Variants in INTS7 observed in about 807,000 individuals in gnomAD.
INTS7 encodes the protein integrator complex subunit 7, also known as chromosome 1 open reading frame 73.
A neutral mutation model predicts 109.2 loss-of-function variants in INTS7; 46 were observed. That is an observed-to-expected ratio of 0.42 (90% CI 0.33 to 0.54). The LOEUF is 0.54. Among genes scored for constraint, INTS7 ranks in the 20% least tolerant of loss-of-function variants. The pLI, the probability that INTS7 is intolerant of heterozygous loss-of-function variation, is 0.07. For synonymous variants in INTS7, 412 were observed against 402.9 expected, an observed-to-expected ratio of 1.02 and a Z score of -0.27; for missense variants, 929 against 1,132.4, an observed-to-expected ratio of 0.82 and a Z score of 2.58.
At chr1:212,007,542 C>A in intron 5 of INTS7, 93 bp from the exon 6 acceptor site, 2 of 839,528 alleles carry the variant, frequency 2.4e-6, no homozygotes, top group Non-Finnish European at 2.0e-6. Flanking sequence ...CAAAATTGCA[C>A]TTGAAAAACA....
rs1361523738 is a variant in INTS7 at position 212,034,095 on chromosome 1, GA to G, written c.94+1248del. ...AACACTCTGTCTCCAAAAAAAAAGA[GA>G]AAAACACATTTAGTATTATACTTTT... On this transcript the variant is annotated intron_variant, in intron 1 of 19. Transcript: ENST00000366994. 2.0e-5 allele frequency among the ~76,000 whole-genome samples: 3 copies of G among 151,756 alleles called. No individual in the cohort carries two copies. The East Asian group carries it at 5.8e-4, about 29-fold the overall frequency.
chr1:211,987,705 C>T (rs1664953196), intron 8 of INTS7, among the ~76,000 whole-genome samples, 181 bp downstream of exon 8: 1 of 151,758 alleles, frequency 6.6e-6, no homozygotes, highest in Admixed American at 6.6e-5. Context: ...ATCAAGGATG[C>T]GAGATGTTGT....
chr1:211,991,633 A>G (rs886324098), intron 7 of INTS7, among the ~76,000 whole-genome samples: 6 of 152,250 alleles, frequency 3.9e-5, no homozygotes, highest in African/African-American at 1.2e-4. Flanking sequence ...CTGTAAGATT[A>G]CAAAGCCACT....
Position 211,946,069 on chromosome 1 carries a change from G to A in INTS7, c.2415+538C>T, listed in dbSNP as rs1259175026. Among the ~76,000 whole-genome samples, 1 of 152,214 alleles carries A rather than the reference G, an allele frequency of 6.6e-6. No homozygotes were observed. The highest frequency in any genetic ancestry group is 2.4e-5 in the African/African-American group (1 of 41,456). ...ACAACAGAGCTCCAGTTACCCAAAT[G>A]CCTGTCTCATAGAATTTGGCACTGA... On this transcript the variant is annotated intron_variant, in intron 18 of 19. Coordinates refer to ENST00000366994, the MANE Select transcript of INTS7 (RefSeq NM_015434.4). This position sits in a 1 kb window ranked among gnomAD's most constrained non-coding sequence, Gnocchi z 4.3.
chr1:212,004,250 G>A (rs1665804971), intron 7 of INTS7, among the ~76,000 whole-genome samples: 1 of 152,128 alleles, frequency 6.6e-6, no homozygotes, highest in South Asian at 2.1e-4. Flanking sequence ...GTTGAGGTGG[G>A]AGGATGGCTT....
chr1:212,001,175 T>C (rs1665656959), intron 7 of INTS7, among the ~76,000 whole-genome samples: 1 of 151,152 alleles, frequency 6.6e-6, no homozygotes, highest in Non-Finnish European at 1.5e-5. Flanking sequence ...CAAGCGATTC[T>C]CCTGCCTCAG....
intron 7 of INTS7, among the ~76,000 whole-genome samples, chr1:211,990,285 TAA>T (rs67427935): frequency 0.32 from 47,102 of 145,752 alleles, 8,569 homozygotes; most frequent in Middle Eastern, 0.46. Flanking sequence ...ACACAGCTGA[TAA>T]AAAAAAAAAA....
At chr1:211,983,255 T>G (rs1245533181) in intron 8 of INTS7, among the ~76,000 whole-genome samples, 1 of 152,128 alleles carries the variant, frequency 6.6e-6, no homozygotes, top group Non-Finnish European at 1.5e-5. Context: ...ATACCTCATA[T>G]GAATTCGTGA....
At position 211,959,710 on chromosome 1, in the gene INTS7, G is replaced by A. The variant is rs143145343; in HGVS notation, c.2183+6720C>T. Among the ~76,000 whole-genome samples the A allele has an allele frequency of 7.5e-4, 114 of 152,226 alleles. No individual in the cohort carries two copies. In the Middle Eastern group the frequency reaches 0.014, roughly 18 times the overall value. On this transcript the variant is annotated intron_variant, in intron 16 of 19. Transcript: ENST00000366994. The surrounding 1 kb of genome is among the most constrained non-coding windows in gnomAD (Gnocchi z 4.2). ...CATTGCCCTGGGAGTGAAACCAGGC[G>A]TGAACAACAATGGACCTTCCCCTGC...
At chr1:212,025,673 A>AG (rs1193953751) in intron 1 of INTS7, 16 of 190,036 alleles carry the variant, frequency 8.4e-5, no homozygotes, top group Non-Finnish European at 1.3e-4. Flanking sequence ...TCCTGCCTGG[A>AG]GTCACAGCTG....
chr1:212,031,043 C>T (rs1279122671), intron 1 of INTS7: 1 of 152,206 alleles, frequency 6.6e-6, no homozygotes, highest in Non-Finnish European at 1.5e-5. Context: ...GTTTTTCACA[C>T]AGCATTACAT....
intron 16 of INTS7, 60 bp from the exon 17 acceptor site, chr1:211,952,761 A>C: frequency 7.6e-7 from 1 of 1,312,872 alleles, no homozygotes; most frequent in Non-Finnish European, 1.1e-6. Context: ...TAATGCCTAC[A>C]TGTATCAGGT....
chr1:212,032,355 CAA>C (rs1667203821), intron 1 of INTS7, among the ~76,000 whole-genome samples: 1 of 152,178 alleles, frequency 6.6e-6, no homozygotes, highest in Non-Finnish European at 1.5e-5. Context: ...TGATACTTTT[CAA>C]AGGAAAGTCA....
At chr1:212,008,994 T>C (rs937030021) in intron 5 of INTS7, among the ~76,000 whole-genome samples, 5 of 152,258 alleles carry the variant, frequency 3.3e-5, no homozygotes, top group South Asian at 2.1e-4. Flanking sequence ...TATATCCCCC[T>C]CTTTCCTCCA....
chr1:211,963,258 G>C (rs922989490), intron 16 of INTS7, among the ~76,000 whole-genome samples: 2 of 152,014 alleles, frequency 1.3e-5, no homozygotes, highest in Middle Eastern at 3.2e-3. Context: ...ATAAATTCCT[G>C]AACATACACT....
At chr1:211,968,924 C>T (rs1664032656) in intron 13 of INTS7, among the ~76,000 whole-genome samples, 1 of 152,140 alleles carries the variant, frequency 6.6e-6, no homozygotes, top group Admixed American at 6.5e-5. Context: ...AACCACTATT[C>T]AAAGGTTCCT....
At chr1:212,010,709 A>G (rs1666130609) in intron 5 of INTS7, among the ~76,000 whole-genome samples, 1 of 152,184 alleles carries the variant, frequency 6.6e-6, no homozygotes, top group Non-Finnish European at 1.5e-5. Flanking sequence ...TATACAAATC[A>G]TTTTGTTACA....
At position 211,981,721 on chromosome 1, in the gene INTS7, A is replaced by G. The variant is rs114689366; in HGVS notation, c.1133-531T>C. Among the ~76,000 whole-genome samples the G allele has an allele frequency of 4.5e-3, 687 of 152,336 alleles. 4 individuals are homozygous for G. The highest frequency in any genetic ancestry group is 0.016 in the African/African-American group (665 of 41,572). ...AGATGTCTCATGAAATAGCAGCACTAGAACATCTTTTCACTACCATAGGGT... is the reference window on the plus strand; with the variant it reads ...AGATGTCTCATGAAATAGCAGCACTGGAACATCTTTTCACTACCATAGGGT... On this transcript the variant is annotated intron_variant, in intron 9 of 19. Coordinates refer to ENST00000366994, the MANE Select transcript of INTS7 (RefSeq NM_015434.4).
intron 1 of INTS7, among the ~76,000 whole-genome samples, chr1:212,026,335 A>G (rs972133663): frequency 3.9e-5 from 6 of 152,196 alleles, no homozygotes; most frequent in African/African-American, 1.4e-4. Context: ...AAATAATAGC[A>G]CTATCGGCAC....
Sources: gnomAD v4.1 joint callset for allele counts (sites outside exome capture counted in the v4.1 genomes callset) on GRCh38, gnomAD v4.1.1 for gene constraint, Gnocchi (gnomAD v3.1) non-coding constraint, MANE v1.5 for transcripts, NCBI Gene and HGNC (gene_info 2026-07-23, HGNC 2026-07-21) for gene names.